Variants in LAMA2 observed in about 807,000 individuals in gnomAD.
LAMA2 encodes laminin subunit alpha 2.
A neutral mutation model predicts 364.8 loss-of-function variants in LAMA2; 269 were observed. The ratio of observed to expected loss-of-function variants is 0.74; its 90% confidence interval spans 0.67 to 0.82. The LOEUF is 0.82. Among genes scored for constraint, LAMA2 ranks in the 40% least tolerant of loss-of-function variants. The pLI is 0.00. For synonymous variants in LAMA2, 1,379 were observed against 1,370.6 expected (o/e 1.01, Z -0.14); for missense variants, 3,807 against 3,873.2 (o/e 0.98, Z 0.45).
At chr6:129,296,679 G>A (rs1773202475) in intron 20 of LAMA2, among the ~76,000 whole-genome samples, 1 of 151,496 alleles carries the variant, frequency 6.6e-6, no homozygotes, top group Admixed American at 6.6e-5. Flanking sequence ...TTTTTACCAA[G>A]AAGCAATTAT....
chr6:129,483,963 T>A (rs543726722), intron 55 of LAMA2, among the ~76,000 whole-genome samples: 135 of 152,212 alleles, frequency 8.9e-4, no homozygotes, highest in African/African-American at 3.1e-3. Flanking sequence ...AAAAAATAAA[T>A]TCACAATAAA....
chr6:129,083,211 C>T (rs1774175959), intron 3 of LAMA2, among the ~76,000 whole-genome samples: 1 of 152,050 alleles, frequency 6.6e-6, no homozygotes, highest in Admixed American at 6.6e-5. Context: ...TGAACATCCC[C>T]ATGTAACTGT....
At chr6:129,206,090 A>T (rs13210824) in intron 12 of LAMA2, among the ~76,000 whole-genome samples, 2 of 112,010 alleles carry the variant, frequency 1.8e-5, no homozygotes, top group East Asian at 5.9e-4. Flanking sequence ...AGGAGGAAGG[A>T]AGGGAGGGAG....
intron 1 of LAMA2, among the ~76,000 whole-genome samples, chr6:128,956,477 T>C (rs753880698): frequency 6.6e-6 from 1 of 152,032 alleles, no homozygotes; most frequent in Non-Finnish European, 1.5e-5. Flanking sequence ...AGGTGAAACA[T>C]AGCACTGGAT....
intron 1 of LAMA2, among the ~76,000 whole-genome samples, chr6:128,998,137 G>C (rs1582849063): frequency 6.6e-6 from 1 of 152,252 alleles, no homozygotes; most frequent in East Asian, 1.9e-4. Context: ...AGGAGGTAAA[G>C]AGCCTGGGCA....
chr6:129,443,188 C>A, intron 44 of LAMA2, 120 bp downstream of exon 44: 1 of 670,384 alleles, frequency 1.5e-6, no homozygotes, highest in Non-Finnish European at 2.6e-6. Context: ...CGTAGCTATT[C>A]TTTCCACTGT....
chr6:129,371,362 G>A (rs971653672), intron 34 of LAMA2, among the ~76,000 whole-genome samples: 3 of 151,458 alleles, frequency 2.0e-5, no homozygotes, highest in African/African-American at 4.8e-5. Context: ...AAATAAAGTC[G>A]GAAGAAATTC....
At chr6:129,415,981 C>T (rs1780767749) in intron 40 of LAMA2, among the ~76,000 whole-genome samples, 1 of 87,696 alleles carries the variant, frequency 1.1e-5, no homozygotes, top group Non-Finnish European at 2.2e-5. Context: ...CGGAGTCTCG[C>T]TCTGTCGCCC....
intron 34 of LAMA2, among the ~76,000 whole-genome samples, chr6:129,382,029 G>T (rs1778719140): frequency 6.6e-6 from 1 of 152,128 alleles, no homozygotes; most frequent in Admixed American, 6.5e-5. Context: ...CAGACATTTA[G>T]TTCTATTTAA....
chr6:129,158,646 G>A, intron 8 of LAMA2: 1 of 1,614,196 alleles, frequency 6.2e-7, no homozygotes, highest in South Asian at 1.1e-5. Context: ...GACAGCCATA[G>A]AAATGAGCAA....
chr6:129,227,830 G>T (rs759392254), intron 12 of LAMA2, among the ~76,000 whole-genome samples: 1 of 152,118 alleles, frequency 6.6e-6, no homozygotes, highest in Non-Finnish European at 1.5e-5. Context: ...CTCCATGCTG[G>T]GAGAACCACT....
chr6:129,064,535 T>C (rs1388608430), intron 3 of LAMA2, among the ~76,000 whole-genome samples: 1 of 151,902 alleles, frequency 6.6e-6, no homozygotes, highest in Non-Finnish European at 1.5e-5. Flanking sequence ...ATAAGCTAAA[T>C]TGACAAAAGT....
At chr6:129,446,695 T>A (rs1782405373) in intron 45 of LAMA2, among the ~76,000 whole-genome samples, 1 of 152,082 alleles carries the variant, frequency 6.6e-6, no homozygotes, top group African/African-American at 2.4e-5. Flanking sequence ...TTGAACAACT[T>A]TGGAACTAGG....
intron 12 of LAMA2, among the ~76,000 whole-genome samples, chr6:129,234,108 G>A (rs141861218): frequency 4.6e-5 from 7 of 152,166 alleles, no homozygotes; most frequent in East Asian, 1.9e-4. Flanking sequence ...ATGGGAGGCC[G>A]GAACAAATTT....
Position 129,259,235 on chromosome 6 carries a change from T to C in LAMA2, c.2097-1476T>C, listed in dbSNP as rs541069145. ...ATAAAGATCATCACTTTTGAAGATA[T>C]GTTTACACCTTGTAATGAGCCTTTT... On this transcript the variant is annotated intron_variant, in intron 14 of 64. Coordinates refer to ENST00000421865, the MANE Select transcript of LAMA2 (RefSeq NM_000426.4). Among the ~76,000 whole-genome samples the C allele has an allele frequency of 2.6e-5, 4 of 152,254 alleles. No individual in the cohort carries two copies. The East Asian group carries it at 7.7e-4, about 29-fold the overall frequency.
intron 12 of LAMA2, among the ~76,000 whole-genome samples, chr6:129,240,911 G>A (rs1241476020): frequency 6.6e-6 from 1 of 152,130 alleles, no homozygotes; most frequent in African/African-American, 2.4e-5. Flanking sequence ...TCCTTCAACT[G>A]CAGATCAAAC....
At chr6:129,449,225 A>G (rs1782541474) in intron 45 of LAMA2, among the ~76,000 whole-genome samples, 1 of 152,220 alleles carries the variant, frequency 6.6e-6, no homozygotes, top group South Asian at 2.1e-4. Context: ...TGTCTAGTCC[A>G]CTTCATGCTG....
chr6:129,157,970 A>G, intron 8 of LAMA2: 1 of 1,613,996 alleles, frequency 6.2e-7, no homozygotes, highest in Non-Finnish European at 8.5e-7. Context: ...TGAATTTAAC[A>G]GCAAGGCCCA....
chr6:129,234,457 G>GTA (rs1350942439), intron 12 of LAMA2, among the ~76,000 whole-genome samples: 1 of 151,954 alleles, frequency 6.6e-6, no homozygotes, highest in African/African-American at 2.4e-5. Flanking sequence ...GATGTTCAAA[G>GTA]TATAACAAAG....
Sources: gnomAD v4.1 joint callset for allele counts (sites outside exome capture counted in the v4.1 genomes callset) on GRCh38, gnomAD v4.1.1 for gene constraint, MANE v1.5 for transcripts, NCBI Gene and HGNC (gene_info 2026-07-23, HGNC 2026-07-21) for gene names.